Variants in ACP1 observed in about 807,000 individuals in gnomAD.
The protein encoded by ACP1 is acid phosphatase 1.
Under a neutral mutation model 23.4 loss-of-function variants are expected in ACP1, and 23 were observed. That is an observed-to-expected ratio of 0.98 (90% CI 0.71 to 1.39). ACP1 has a LOEUF of 1.39. Ranked by LOEUF, ACP1 falls within the 40% of genes most tolerant of loss-of-function variation. The pLI is 0.00. For missense variants in ACP1, 180 were observed against 197.7 expected, an observed-to-expected ratio of 0.91 and a Z score of 0.54; for synonymous variants, 72 against 67.2, an observed-to-expected ratio of 1.07 and a Z score of -0.35.
rs1230041812 is a variant in ACP1, at chr2:277,787, C to G, written c.*483C>G. 5.7e-6 allele frequency: 1 copy of G among 175,086 alleles called. No individual in the cohort carries two copies. The highest frequency in any genetic ancestry group is 2.4e-5 in the African/African-American group (1 of 42,330). The allele number at this position is 175,086 out of a possible 1,614,324, so 10.8% of individuals were successfully genotyped here. A position where few individuals can be genotyped will look rare whatever the true frequency, so the allele number is the denominator to read the frequency against. On this transcript the variant is annotated 3_prime_UTR_variant, in exon 6 of 6. Transcript: ENST00000272065. ...CAGTAGTCCCCTCCGTAGGAGCTCA[C>G]AGTCTAGATTAGAAGTGTTTTAATT... is the stretch of plus-strand genomic sequence containing the variant.
chr2:277,640 C>A lies in ACP1; in HGVS notation c.*336C>A. On this transcript the variant is annotated 3_prime_UTR_variant, in exon 6 of 6. Transcript: ENST00000272065. ...TTGAAGGCCCAGGTCAACATCTAAG[C>A]CTGTTGAGACTTAGATAATCGAGTC... 1 of 319,156 alleles carries A rather than the reference C, an allele frequency of 3.1e-6. No homozygotes were observed. The highest frequency in any genetic ancestry group is 6.0e-6 in the Non-Finnish European group (1 of 166,378). The allele number at this position is 319,156 out of a possible 1,614,324, so 19.8% of individuals were successfully genotyped here.
intron 1 of ACP1, chr2:266,510 G>C (rs945067192): frequency 6.6e-6 from 1 of 152,168 alleles, no homozygotes; most frequent in Non-Finnish European, 1.5e-5. Flanking sequence ...ATATACAGTA[G>C]TCCCACTTTA....
At chr2:269,806 G>A (rs79904086) in intron 1 of ACP1, among the ~76,000 whole-genome samples, 279 of 152,340 alleles carry the variant, frequency 1.8e-3, no homozygotes, top group African/African-American at 4.4e-3. Context: ...TCCTGGGGGA[G>A]GAAATGCTGT....
intron 1 of ACP1, 134 bp downstream of exon 1, chr2:265,141 C>G (rs925955036): frequency 3.8e-6 from 4 of 1,041,886 alleles, no homozygotes; most frequent in African/African-American, 1.7e-5. Context: ...CTAGGGTGTT[C>G]TAGGAGTGTG....
chr2:269,463 GTATT>G, intron 1 of ACP1: 1 of 405,866 alleles, frequency 2.5e-6, no homozygotes, highest in South Asian at 1.9e-5. Flanking sequence ...GATCCTCATT[GTATT>G]TGTTTATCAT....
At chr2:268,963 G>A (rs1040265714) in intron 1 of ACP1, among the ~76,000 whole-genome samples, 2 of 152,160 alleles carry the variant, frequency 1.3e-5, no homozygotes, top group Admixed American at 1.3e-4. Flanking sequence ...TTATTTTACA[G>A]TTAAAGATAA....
intron 1 of ACP1, among the ~76,000 whole-genome samples, chr2:265,544 A>G (rs896072130): frequency 6.6e-6 from 1 of 152,160 alleles, no homozygotes; most frequent in Non-Finnish European, 1.5e-5. Flanking sequence ...ATGAAAAATG[A>G]AAGTGTATTT....
intron 3 of ACP1, among the ~76,000 whole-genome samples, chr2:273,357 A>G (rs539012129): frequency 6.6e-6 from 1 of 152,360 alleles, no homozygotes; most frequent in African/African-American, 2.4e-5. Context: ...GAGTTCTGCT[A>G]CTGAACCGTT....
At chr2:276,881 C>T (rs1312388271) in intron 4 of ACP1, 99 bp from the exon 5 acceptor site, 2 of 738,348 alleles carry the variant, frequency 2.7e-6, no homozygotes, top group Non-Finnish European at 4.5e-6. Flanking sequence ...GTCATTCTGT[C>T]TTGATTTTGA....
rs773162713 is a variant in ACP1, at chr2:275,171, A to G, written c.263A>G (p.Tyr88Cys). The G allele has an allele frequency of 3.9e-6, 6 of 1,546,126 alleles. No homozygotes were observed. The highest frequency in any genetic ancestry group is 2.7e-5 in the African/African-American group (2 of 74,014). The stretch of plus-strand genomic sequence containing the variant: ...AAAGAAGATTTTGCCACATTTGATT[A>G]TATACTATGTATGGATGAAAGCAAT... ...ITKEDFATFD[Y>C]ILCMDESNLR... The change falls in exon 4 of 6, where the codon TAT (tyrosine) becomes TGT (cysteine). Residue 88 changes from tyrosine to cysteine, a missense_variant. Tyr to Cys is a radical substitution (Grantham distance 194, BLOSUM62 -2). Around this residue, in one of 3 missense-constraint regions of ACP1, gnomAD observed 132 missense variants for 124.1 expected, o/e 1.06. Coordinates refer to ENST00000272065, the MANE Select transcript of ACP1 (RefSeq NM_004300.4).
intron 1 of ACP1, among the ~76,000 whole-genome samples, chr2:266,758 T>G (rs1402666156): frequency 6.6e-6 from 1 of 152,228 alleles, no homozygotes. Flanking sequence ...ATAGAAGATT[T>G]GTTCGTACTG....
At chr2:268,847 C>T (rs1359220287) in intron 1 of ACP1, among the ~76,000 whole-genome samples, 3 of 152,130 alleles carry the variant, frequency 2.0e-5, no homozygotes, top group Non-Finnish European at 4.4e-5. Flanking sequence ...TTTTTCATAA[C>T]AAAATTTGGT....
At chr2:267,689 G>C (rs1415248181) in intron 1 of ACP1, among the ~76,000 whole-genome samples, 1 of 152,198 alleles carries the variant, frequency 6.6e-6, no homozygotes, top group Non-Finnish European at 1.5e-5. Context: ...TTGAGCGCCT[G>C]TTTTCTCAGT....
At chr2:272,208 G>C (rs562005423) in intron 3 of ACP1, 58 bp downstream of exon 3, 1 of 1,614,152 alleles carries the variant, frequency 6.2e-7, no homozygotes, top group African/African-American at 1.3e-5. Context: ...ATTGACAGCG[G>C]TGCTGTTTCT....
intron 3 of ACP1, among the ~76,000 whole-genome samples, chr2:274,325 C>T (rs1023630181): frequency 1.3e-5 from 2 of 152,114 alleles, no homozygotes; most frequent in Non-Finnish European, 2.9e-5. Flanking sequence ...CACTTTCCAC[C>T]TTTGTTCCGC....
At chr2:271,998 C>CAAA (rs34887991) in intron 2 of ACP1, 39 bp from the exon 3 acceptor site, 201 of 1,481,986 alleles carry the variant, frequency 1.4e-4, no homozygotes, top group Middle Eastern at 1.8e-4. Context: ...CAGGAAATTG[C>CAAA]AAAAAAAAAA....
At chr2:277,124 C>G in intron 5 of ACP1, 39 bp downstream of exon 5, 1 of 1,566,430 alleles carries the variant, frequency 6.4e-7, no homozygotes, top group Non-Finnish European at 8.8e-7. Flanking sequence ...TATGAAGACC[C>G]AACACATTTG....
chr2:269,903 C>T (rs1031335650), intron 1 of ACP1, among the ~76,000 whole-genome samples: 4 of 152,200 alleles, frequency 2.6e-5, no homozygotes, highest in African/African-American at 9.6e-5. Flanking sequence ...CATTGGTCAT[C>T]TAAGCATCAA....
intron 1 of ACP1, 101 bp downstream of exon 1, chr2:265,108 G>A (rs1255304157): frequency 4.1e-6 from 6 of 1,466,138 alleles, no homozygotes; most frequent in Non-Finnish European, 5.7e-6. Flanking sequence ...CCATGAGGGG[G>A]AGGAGGCCAG....
Sources: gnomAD v4.1 joint callset for allele counts (sites outside exome capture counted in the v4.1 genomes callset) on GRCh38, gnomAD v4.1.1 for gene constraint, gnomAD v4.1.1 regional missense constraint, MANE v1.5 for transcripts, NCBI Gene and HGNC (gene_info 2026-07-23, HGNC 2026-07-21) for gene names.